Variants in LSM14A observed in about 807,000 individuals in gnomAD.
LSM14A encodes the protein protein LSM14 homolog A.
A neutral mutation model predicts 52.4 loss-of-function variants in LSM14A; 14 were observed. The ratio of observed to expected loss-of-function variants is 0.27; its 90% CI spans 0.18 to 0.42. The LOEUF (loss-of-function observed/expected upper bound fraction) is 0.42. LSM14A is among the 10% of genes least tolerant of loss of function. LSM14A has a pLI of 1.00. For missense variants in LSM14A, 417 were observed against 581.8 expected, an observed-to-expected ratio of 0.72 and a Z score of 2.91; for synonymous variants, 185 against 200.3, an observed-to-expected ratio of 0.92 and a Z score of 0.64.
chr19:34,207,496 C>CGGAG (rs1440529747), intron 3 of LSM14A, among the ~76,000 whole-genome samples: 1 of 151,900 alleles, frequency 6.6e-6, no homozygotes, highest in East Asian at 1.9e-4. Flanking sequence ...CAGTGGCTCC[C>CGGAG]CTTGTCTAAG....
intron 1 of LSM14A, among the ~76,000 whole-genome samples, chr19:34,183,237 A>G (rs187744109): frequency 1.3e-5 from 2 of 152,236 alleles, no homozygotes; most frequent in African/African-American, 4.8e-5. Flanking sequence ...TATCAAAACT[A>G]CGTGAGAGGG....
intron 9 of LSM14A, 170 bp downstream of exon 9, chr19:34,221,908 T>A: frequency 7.6e-7 from 1 of 1,321,700 alleles, no homozygotes; most frequent in Non-Finnish European, 1.0e-6. Context: ...ATAAAGACAT[T>A]ATACAAAAAA....
chr19:34,227,299 C>G, intron 9 of LSM14A, 66 bp from the exon 10 acceptor site: 1 of 1,075,586 alleles, frequency 9.3e-7, no homozygotes, highest in Non-Finnish European at 1.4e-6. Context: ...TAAACTTGAG[C>G]AAAGTAAAAA....
intron 3 of LSM14A, among the ~76,000 whole-genome samples, chr19:34,198,617 AAAAT>A (rs1037223990): frequency 1.4e-4 from 22 of 152,198 alleles, no homozygotes; most frequent in East Asian, 1.9e-4. Flanking sequence ...ACTCCGTCTA[AAAAT>A]AAATAAATAA....
At chr19:34,200,881 CTAAAT>C (rs1568485912) in intron 3 of LSM14A, among the ~76,000 whole-genome samples, 1 of 152,162 alleles carries the variant, frequency 6.6e-6, no homozygotes. Flanking sequence ...GCTCCTTTGA[CTAAAT>C]TAAATAGTTA....
chr19:34,203,052 C>T (rs1007040246), intron 3 of LSM14A, among the ~76,000 whole-genome samples: 2 of 152,162 alleles, frequency 1.3e-5, no homozygotes, highest in African/African-American at 2.4e-5. Flanking sequence ...AATTAAACAC[C>T]TCACAATAAA....
chr19:34,221,723 G>A lies in LSM14A; in HGVS notation c.1353G>A (p.Ala451=), dbSNP rs147228264. 1.6e-4 allele frequency: 256 copies of A among 1,612,742 alleles called. 1 individual carries two copies. Among genetic ancestry groups the A allele is most frequent in the Non-Finnish European group, 2.0e-4 (241 of 1,179,034 alleles). ...FRGGRGGREF[A]DFEYRKDNKV... is the part of the protein sequence containing the mutation. Reference sequence around the variant, plus strand: ...GAGGTCGTGGGGGCCGGGAGTTTGCGGATTTTGAATATAGGGTAAGTGTTA... The same window carrying A: ...GAGGTCGTGGGGGCCGGGAGTTTGCAGATTTTGAATATAGGGTAAGTGTTA... Residue 451 remains alanine, a synonymous_variant, in exon 9 of 10, where the codon GCG becomes GCA. Coordinates refer to ENST00000544216, the MANE Select transcript of LSM14A (RefSeq NM_015578.4).
chr19:34,186,374 A>G (rs1320540208), intron 1 of LSM14A, among the ~76,000 whole-genome samples: 1 of 152,170 alleles, frequency 6.6e-6, no homozygotes, highest in Non-Finnish European at 1.5e-5. Flanking sequence ...TTAACATTTA[A>G]GTTGGTAGAT....
rs80083732 is a variant in LSM14A at position 34,185,755 on chromosome 19, A to G, written c.122-8723A>G. On this transcript the variant is annotated intron_variant, in intron 1 of 9. Coordinates refer to ENST00000544216, the MANE Select transcript of LSM14A (RefSeq NM_015578.4). ...TTCTGTATCTCAGATAGTTTCAGCAAGAGTTTGTGTATGGCACCGAATGGA... is the reference window on the plus strand; with the variant it reads ...TTCTGTATCTCAGATAGTTTCAGCAGGAGTTTGTGTATGGCACCGAATGGA... Among the ~76,000 whole-genome samples, 333 of 152,364 alleles carry G rather than the reference A, an allele frequency of 2.2e-3. 8 individuals are homozygous for G. The East Asian group carries it at 0.046, about 21-fold the overall frequency.
chr19:34,179,474 G>GT (rs2069318961), intron 1 of LSM14A, among the ~76,000 whole-genome samples: 2 of 152,286 alleles, frequency 1.3e-5, no homozygotes, highest in African/African-American at 2.4e-5. Context: ...TCAAGCCACA[G>GT]TTTCTTTTTG....
In LSM14A at chr19:34,184,570, A is replaced by G. The variant is rs962898232; in HGVS notation, c.122-9908A>G. 2.0e-5 allele frequency among the ~76,000 whole-genome samples: 3 copies of G among 152,304 alleles called. No homozygotes were observed. In the South Asian group the frequency reaches 6.2e-4, roughly 32 times the overall value. ...GAAGTTATAAGCAATTTTTATTTAC[A>G]TACAGAAACATTTGGGGAGAGGGTT... On this transcript the variant is annotated intron_variant, in intron 1 of 9. Transcript: ENST00000544216.
chr19:34,177,252 C>T (rs1269898080), intron 1 of LSM14A, among the ~76,000 whole-genome samples: 2 of 151,984 alleles, frequency 1.3e-5, no homozygotes, highest in Non-Finnish European at 2.9e-5. Context: ...TTTTTTATGG[C>T]TAGTGTTTCT....
At chr19:34,189,493 G>A (rs1215570521) in intron 1 of LSM14A, among the ~76,000 whole-genome samples, 1 of 152,090 alleles carries the variant, frequency 6.6e-6, no homozygotes, top group African/African-American at 2.4e-5. Context: ...AATGACATAC[G>A]GCACCTATGT....
At chr19:34,174,402 T>C (rs755806158) in intron 1 of LSM14A, among the ~76,000 whole-genome samples, 4 of 152,258 alleles carry the variant, frequency 2.6e-5, no homozygotes, top group Non-Finnish European at 5.9e-5. Context: ...CATTGAATTA[T>C]ACACTTTTTA....
At chr19:34,206,897 G>A (rs886514851) in intron 3 of LSM14A, among the ~76,000 whole-genome samples, 3 of 152,128 alleles carry the variant, frequency 2.0e-5, no homozygotes, top group Non-Finnish European at 2.9e-5. Context: ...TCAGGACTGC[G>A]AAGCTGCAAC....
chr19:34,172,579 A>G lies in LSM14A; in HGVS notation c.-64A>G, dbSNP rs2145419752. ...GCCGACGGAGCGAGCGGGCGTGCGG[A>G]GCGGGCGACAGTGGCGTGGGATCTG... On this transcript the variant is annotated 5_prime_UTR_variant, in exon 1 of 10. Transcript: ENST00000544216. 1.4e-6 allele frequency: 2 copies of G among 1,473,188 alleles called. No individual in the cohort carries two copies. The highest frequency in any genetic ancestry group is 1.8e-6 in the Non-Finnish European group (2 of 1,111,866). The allele number at this position is 1,473,188 out of a possible 1,614,324, so 91.3% of individuals were successfully genotyped here.
At chr19:34,214,053 GA>G (rs2145821080) in intron 4 of LSM14A, among the ~76,000 whole-genome samples, 1 of 152,246 alleles carries the variant, frequency 6.6e-6, no homozygotes, top group South Asian at 2.1e-4. Flanking sequence ...AAATTGCTGG[GA>G]TTATAGGTGT....
intron 1 of LSM14A, 150 bp downstream of exon 1, chr19:34,172,913 G>A: frequency 1.0e-6 from 1 of 986,104 alleles, no homozygotes; most frequent in Non-Finnish European, 1.4e-6. Context: ...CCGGCGTCGC[G>A]GGCCGGACCG....
intron 3 of LSM14A, among the ~76,000 whole-genome samples, chr19:34,202,976 G>A (rs1391097838): frequency 6.6e-6 from 1 of 152,138 alleles, no homozygotes; most frequent in Non-Finnish European, 1.5e-5. Flanking sequence ...TAAAACTGAT[G>A]CAAAAATAAT....
Sources: allele counts gnomAD v4.1 joint callset (sites outside exome capture counted in the v4.1 genomes callset), GRCh38; gene constraint gnomAD v4.1.1; transcripts MANE v1.5; gene names NCBI Gene and HGNC (gene_info 2026-07-23, HGNC 2026-07-21).